Variants in NFIL3 observed in about 807,000 individuals in gnomAD.
NFIL3 encodes the protein nuclear factor interleukin-3-regulated protein.
A neutral mutation model predicts 10.0 loss-of-function variants in NFIL3; 5 were observed. The ratio of observed to expected loss-of-function variants is 0.50; its 90% confidence interval spans 0.26 to 1.06. The LOEUF (loss-of-function observed/expected upper bound fraction) is 1.06, where lower values mean the gene tolerates loss of function less well. Among genes scored for constraint, NFIL3 ranks in the 50% least tolerant of loss-of-function variants. The pLI is 0.13. For synonymous variants in NFIL3, 202 were observed against 206.5 expected (o/e 0.98, Z 0.19); for missense variants, 436 against 547.6 (o/e 0.80, Z 2.03).
chr9:91,420,299 C>T (rs1340351404), intron 1 of NFIL3, among the ~76,000 whole-genome samples: 1 of 151,490 alleles, frequency 6.6e-6, no homozygotes, highest in Non-Finnish European at 1.5e-5. Flanking sequence ...AATTCCAACA[C>T]GAATCCTTAC....
the NFIL3 span, among the ~76,000 whole-genome samples, chr9:91,480,656 T>C: frequency 1.3e-5 from 2 of 152,078 alleles, no homozygotes; most frequent in Non-Finnish European, 2.9e-5. Flanking sequence ...TTTGAAGCAA[T>C]AAAAGATACA....
chr9:91,452,468 T>C, the NFIL3 span, among the ~76,000 whole-genome samples: 1 of 152,004 alleles, frequency 6.6e-6, no homozygotes, highest in Non-Finnish European at 1.5e-5. Context: ...GTATTATGTC[T>C]CCTAAAAGGT....
At chr9:91,437,725 T>A in the NFIL3 span, among the ~76,000 whole-genome samples, 1 of 152,246 alleles carries the variant, frequency 6.6e-6, no homozygotes, top group South Asian at 2.1e-4. Context: ...TATATATGAC[T>A]CTTTAAAAAA....
chr9:91,439,715 T>C, the NFIL3 span, among the ~76,000 whole-genome samples: 1 of 152,178 alleles, frequency 6.6e-6, no homozygotes, highest in Admixed American at 6.5e-5. Context: ...GAGTTTTTTA[T>C]CAACAAAGGA....
chr9:91,457,747 G>A, the NFIL3 span, among the ~76,000 whole-genome samples: 1 of 152,010 alleles, frequency 6.6e-6, no homozygotes, highest in East Asian at 1.9e-4. Flanking sequence ...TGAAATCTTT[G>A]TGTTGTTAAT....
the NFIL3 span, among the ~76,000 whole-genome samples, chr9:91,446,329 G>A: frequency 6.6e-6 from 1 of 152,174 alleles, no homozygotes; most frequent in Admixed American, 6.5e-5. Context: ...TGCTTCACAG[G>A]ATTTCTGTTG....
chr9:91,428,330 C>G (rs1833891212), upstream of NFIL3, among the ~76,000 whole-genome samples: 1 of 152,144 alleles, frequency 6.6e-6, no homozygotes, highest in Non-Finnish European at 1.5e-5. Context: ...TTCATTCCCC[C>G]AAACATCCAC....
At chr9:91,461,193 T>C in the NFIL3 span, among the ~76,000 whole-genome samples, 1 of 152,240 alleles carries the variant, frequency 6.6e-6, no homozygotes, top group Non-Finnish European at 1.5e-5. Flanking sequence ...CCATCTTATT[T>C]ATCTTGTCAA....
chr9:91,412,847 C>T (rs867231433), intron 1 of NFIL3, among the ~76,000 whole-genome samples: 1 of 140,224 alleles, frequency 7.1e-6, no homozygotes. Context: ...AGCGAGACTT[C>T]GTCTCAAAAA....
the NFIL3 span, among the ~76,000 whole-genome samples, chr9:91,446,258 G>A: frequency 2.6e-5 from 4 of 152,160 alleles, no homozygotes; most frequent in East Asian, 1.9e-4. Flanking sequence ...CTTACTGGGC[G>A]ACCAGTTGGT....
chr9:91,455,966 C>T, the NFIL3 span, among the ~76,000 whole-genome samples: 1 of 152,188 alleles, frequency 6.6e-6, no homozygotes, highest in Non-Finnish European at 1.5e-5. Context: ...TCTGAGGCAA[C>T]TGCTGATTTG....
chr9:91,469,925 C>T, the NFIL3 span, among the ~76,000 whole-genome samples: 19 of 152,062 alleles, frequency 1.2e-4, no homozygotes, highest in East Asian at 3.9e-4. Context: ...CTGCTGGATT[C>T]GGTTTGCCAG....
the NFIL3 span, among the ~76,000 whole-genome samples, chr9:91,479,781 C>T: frequency 3.3e-5 from 5 of 152,208 alleles, no homozygotes; most frequent in South Asian, 2.1e-4. Flanking sequence ...GCCCTAGTGG[C>T]GTAGGCACCC....
At chr9:91,435,119 C>G in the NFIL3 span, among the ~76,000 whole-genome samples, 1 of 152,198 alleles carries the variant, frequency 6.6e-6, no homozygotes, top group East Asian at 1.9e-4. Flanking sequence ...CTTTCTCTCT[C>G]TCTCCACTGC....
At chr9:91,461,741 C>T in the NFIL3 span, among the ~76,000 whole-genome samples, 1 of 152,132 alleles carries the variant, frequency 6.6e-6, no homozygotes, top group African/African-American at 2.4e-5. Context: ...ATTATTAGGA[C>T]ACTTGCATTG....
the NFIL3 span, among the ~76,000 whole-genome samples, chr9:91,459,900 C>T: frequency 2.6e-5 from 4 of 152,072 alleles, no homozygotes; most frequent in Non-Finnish European, 4.4e-5. Context: ...ACCGTAGAGT[C>T]TTTTCCTTAG....
rs201995681 is a variant in NFIL3, at chr9:91,409,640, G to C, written c.1095C>G (p.Leu365=). 2 of 1,614,058 alleles carry C rather than the reference G, an allele frequency of 1.2e-6. No homozygotes were observed. The highest frequency in any genetic ancestry group is 1.7e-6 in the Non-Finnish European group (2 of 1,180,042). The stretch of plus-strand genomic sequence containing the variant: ...CCATACTTGGGGCACTATGCTTTTC[G>C]AGTTCGAAATGTCTTTTAGATGTCA... ...IDMTSKRHFE[L]EKHSAPSMVH... is the part of the protein sequence containing the mutation. The change falls in exon 2 of 2, where the codon CTC becomes CTG. Residue 365 remains leucine, a synonymous_variant. Transcript: ENST00000297689.
chr9:91,479,025 C>T, the NFIL3 span, among the ~76,000 whole-genome samples: 1 of 152,136 alleles, frequency 6.6e-6, no homozygotes, highest in African/African-American at 2.4e-5. Flanking sequence ...AAGCTTTGTC[C>T]CAGAGGGGCA....
the NFIL3 span, among the ~76,000 whole-genome samples, chr9:91,479,946 T>C: frequency 6.6e-6 from 1 of 152,012 alleles, no homozygotes; most frequent in East Asian, 1.9e-4. Context: ...TGAGGTGATG[T>C]CCCACCCTGC....
Sources: gnomAD v4.1 joint callset for allele counts (sites outside exome capture counted in the v4.1 genomes callset) on GRCh38, gnomAD v4.1.1 for gene constraint, MANE v1.5 for transcripts, NCBI Gene and HGNC (gene_info 2026-07-23, HGNC 2026-07-21) for gene names.